Variants in PDE6B observed in about 807,000 individuals in gnomAD.
The protein encoded by PDE6B is phosphodiesterase 6B, also known as rod cGMP-specific 3',5'-cyclic phosphodiesterase subunit beta.
Under a neutral mutation model 109.0 loss-of-function variants are expected in PDE6B, and 106 were observed. That is an observed-to-expected ratio of 0.97 (90% CI 0.83 to 1.14). The LOEUF (loss-of-function observed/expected upper bound fraction) is 1.14, where lower values mean the gene tolerates loss of function less well. Ranked by LOEUF, PDE6B falls within the 50% of genes most tolerant of loss-of-function variation. PDE6B has a pLI of 0.00. For synonymous variants in PDE6B, 490 were observed against 471.3 expected (o/e 1.04, Z -0.51); for missense variants, 1,193 against 1,155.6 (o/e 1.03, Z -0.47).
intron 9 of PDE6B, 60 bp downstream of exon 9, chr4:657,083 C>T (rs910482913): frequency 2.2e-5 from 34 of 1,532,722 alleles, no homozygotes; most frequent in East Asian, 6.7e-5. Context: ...GGGGCCTGTG[C>T]GGTGTGGGGG....
chr4:663,389 G>A lies in PDE6B; in HGVS notation c.1920+202G>A, dbSNP rs1169219513. ...GAGGCCCTGGGAAAACGCTTGTGGGGAAGACAACTGGAAAGGGCCCCTCAT... is the reference window on the plus strand; with the variant it reads ...GAGGCCCTGGGAAAACGCTTGTGGGAAAGACAACTGGAAAGGGCCCCTCAT... On this transcript the variant is annotated intron_variant, in intron 15 of 21. Transcript: ENST00000496514. The surrounding 1 kb of genome is among the most constrained non-coding windows in gnomAD (Gnocchi z 4.0). Among the ~76,000 whole-genome samples, 1 of 152,218 alleles carries A rather than the reference G, an allele frequency of 6.6e-6. No individual in the cohort carries two copies. The highest frequency in any genetic ancestry group is 6.5e-5 in the Admixed American group (1 of 15,288).
intron 11 of PDE6B, among the ~76,000 whole-genome samples, chr4:659,929 C>T (rs1443509809): frequency 6.6e-6 from 1 of 152,138 alleles, no homozygotes; most frequent in Non-Finnish European, 1.5e-5. Context: ...TGTGAGTAGG[C>T]CTTGGACTGA....
chr4:649,130 C>T (rs909129858), intron 3 of PDE6B, among the ~76,000 whole-genome samples: 3 of 152,176 alleles, frequency 2.0e-5, no homozygotes, highest in African/African-American at 4.8e-5. Context: ...GTAGCGAAGC[C>T]CCGAGCACGG....
At position 666,713 on chromosome 4, in the gene PDE6B, C is replaced by T. The variant is rs565519328; in HGVS notation, c.2352+99C>T. The T allele has an allele frequency of 1.1e-5, 9 of 796,276 alleles. No homozygotes were observed. Among genetic ancestry groups the T allele is most frequent in the Admixed American group, 3.7e-5 (2 of 53,608 alleles). The allele number at this position is 796,276 out of a possible 1,614,324, so 49.3% of individuals were successfully genotyped here. A position where few individuals can be genotyped will look rare whatever the true frequency, so the allele number is the denominator to read the frequency against. On this transcript the variant is annotated intron_variant, in intron 20 of 21. Coordinates refer to ENST00000496514, the MANE Select transcript of PDE6B (RefSeq NM_000283.4). This position sits in a 1 kb window ranked among gnomAD's most constrained non-coding sequence, Gnocchi z 5.6. ...GTCGCGTGGACTCACACGGGCCCGGCGGTGTCCTCACTGGAGTAGGGATGC... is the reference window on the plus strand; with the variant it reads ...GTCGCGTGGACTCACACGGGCCCGGTGGTGTCCTCACTGGAGTAGGGATGC...
rs1204829721 is a variant in PDE6B at position 662,084 on chromosome 4, G to A, written c.1615-50G>A. ...AGTCAGCCACAGGTGCCGCTCTGGCGGGACTTACACGCTTGCCGCCGGAGC... is the reference window on the plus strand; with the variant it reads ...AGTCAGCCACAGGTGCCGCTCTGGCAGGACTTACACGCTTGCCGCCGGAGC... On this transcript the variant is annotated intron_variant, in intron 12 of 21. Coordinates refer to ENST00000496514, the MANE Select transcript of PDE6B (RefSeq NM_000283.4). This position sits in a 1 kb window ranked among gnomAD's most constrained non-coding sequence, Gnocchi z 4.3. 2.5e-5 allele frequency: 22 copies of A among 875,658 alleles called. No homozygotes were observed. The highest frequency in any genetic ancestry group is 5.0e-5 in the African/African-American group (3 of 60,232). 54.2% of individuals were successfully genotyped at this position (875,658 alleles called of 1,614,324 possible).
rs1577297264 is a variant in PDE6B at position 662,376 on chromosome 4, T to C, written c.1723-133T>C. Reference sequence around the variant, plus strand: ...AGGAGGGCAACGCCCTCTGACACCGTGCACCGCGCACCCCAGCCCTGCGGT... The same window carrying C: ...AGGAGGGCAACGCCCTCTGACACCGCGCACCGCGCACCCCAGCCCTGCGGT... On this transcript the variant is annotated intron_variant, in intron 13 of 21. Coordinates refer to ENST00000496514, the MANE Select transcript of PDE6B (RefSeq NM_000283.4). The surrounding 1 kb of genome is among the most constrained non-coding windows in gnomAD (Gnocchi z 4.3). 9.8e-6 allele frequency: 8 copies of C among 814,790 alleles called. No individual in the cohort carries two copies. In the East Asian group the frequency reaches 2.1e-4, roughly 22 times the overall value. The allele number at this position is 814,790 out of a possible 1,614,324, so 50.5% of individuals were successfully genotyped here. A position where few individuals can be genotyped will look rare whatever the true frequency, so the allele number is the denominator to read the frequency against.
chr4:650,996 G>A (rs1735484515), intron 3 of PDE6B, among the ~76,000 whole-genome samples: 1 of 152,160 alleles, frequency 6.6e-6, no homozygotes, highest in South Asian at 2.1e-4. Context: ...TGAACTCAGT[G>A]CCTCCCCTCA....
At chr4:631,058 A>G (rs1246633363) in intron 1 of PDE6B, among the ~76,000 whole-genome samples, 1 of 152,218 alleles carries the variant, frequency 6.6e-6, no homozygotes, top group African/African-American at 2.4e-5. Flanking sequence ...TGAAGGAGAA[A>G]AGACGGCAGA....
intron 7 of PDE6B, 118 bp downstream of exon 7, chr4:656,124 A>T (rs1468232891): frequency 1.0e-6 from 1 of 1,004,018 alleles, no homozygotes; most frequent in Non-Finnish European, 1.6e-6. Context: ...TGCCTCAGTG[A>T]AGCCCCCAGC....
intron 3 of PDE6B, among the ~76,000 whole-genome samples, chr4:641,906 C>G (rs537451026): frequency 1.3e-5 from 2 of 152,304 alleles, no homozygotes; most frequent in African/African-American, 2.4e-5. Flanking sequence ...ATCAGCCTCC[C>G]AAAGTGCTGG....
intron 5 of PDE6B, 152 bp downstream of exon 5, chr4:654,306 G>C (rs1408028254): frequency 1.4e-6 from 1 of 734,178 alleles, no homozygotes; most frequent in African/African-American, 1.7e-5. Context: ...GTCTCCACCA[G>C]GCTCCCCTGC....
intron 17 of PDE6B, 77 bp downstream of exon 17, chr4:664,298 C>A: frequency 1.2e-6 from 1 of 825,876 alleles, no homozygotes; most frequent in Non-Finnish European, 2.1e-6. Context: ...GTTAACCCTG[C>A]AGCCCTCCCC....
Position 633,689 on chromosome 4 carries a change from T to C in PDE6B, c.469-988T>C, listed in dbSNP as rs1475457210. Among the ~76,000 whole-genome samples the C allele has an allele frequency of 6.6e-6, 1 of 152,212 alleles. No homozygotes were observed. The highest frequency in any genetic ancestry group is 1.5e-5 in the Non-Finnish European group (1 of 68,028). ...GGCCACAGAACCACCCTGTGCCCACTGCAGGTCGCACAGGTGGGAAGTCCT... is the reference window on the plus strand; with the variant it reads ...GGCCACAGAACCACCCTGTGCCCACCGCAGGTCGCACAGGTGGGAAGTCCT... On this transcript the variant is annotated intron_variant, in intron 1 of 21. Coordinates refer to ENST00000496514, the MANE Select transcript of PDE6B (RefSeq NM_000283.4). This position sits in a 1 kb window ranked among gnomAD's most constrained non-coding sequence, Gnocchi z 4.5.
Position 663,856 on chromosome 4 carries a change from G to A in PDE6B, c.2007G>A (p.Leu669=). ...LMDIAIIATD[L]ALYFKKRAMF... is the part of the protein sequence containing the mutation. ...ACATCGCCATCATCGCCACGGACCT[G>A]GCCCTGTACTTCAAGTGCGCGCCTT... The change falls in exon 16 of 22, where the codon CTG becomes CTA. Residue 669 remains leucine (L), a synonymous_variant. Transcript: ENST00000496514. The surrounding 1 kb of genome is among the most constrained non-coding windows in gnomAD (Gnocchi z 4.0). 1 of 1,609,958 alleles carries A rather than the reference G, an allele frequency of 6.2e-7. No individual in the cohort carries two copies. Among genetic ancestry groups the A allele is most frequent in the South Asian group, 1.1e-5 (1 of 90,924 alleles).
intron 3 of PDE6B, among the ~76,000 whole-genome samples, chr4:647,713 C>G (rs1456378030): frequency 2.0e-5 from 3 of 151,956 alleles, no homozygotes; most frequent in African/African-American, 4.8e-5. Context: ...TTCACAGATG[C>G]ATGGGGGGAG....
At chr4:669,203 C>CTATT (rs1190940724) in intron 21 of PDE6B, among the ~76,000 whole-genome samples, 1 of 33,812 alleles carries the variant, frequency 3.0e-5, no homozygotes. Context: ...CTATGCCATG[C>CTATT]TATTCCCGCT....
At chr4:657,254 A>C in intron 9 of PDE6B, 97 bp from the exon 10 acceptor site, 1 of 1,414,914 alleles carries the variant, frequency 7.1e-7, no homozygotes, top group East Asian at 2.4e-5. Context: ...TGGCAGCCCC[A>C]GGACCTGCCC....
At chr4:664,003 C>T (rs1737469626) in intron 16 of PDE6B, 111 bp from the exon 17 acceptor site, 5 of 1,127,674 alleles carry the variant, frequency 4.4e-6, no homozygotes, top group African/African-American at 3.1e-5. Context: ...GCCGGCCCCG[C>T]GCACCCCGGA....
chr4:667,545 G>A (rs995685384), intron 20 of PDE6B, among the ~76,000 whole-genome samples: 5 of 152,172 alleles, frequency 3.3e-5, no homozygotes, highest in African/African-American at 1.2e-4. Flanking sequence ...CTGTCCGCCT[G>A]TGCCCACCAC....
Sources: gnomAD v4.1 joint callset for allele counts (sites outside exome capture counted in the v4.1 genomes callset) on GRCh38, gnomAD v4.1.1 for gene constraint, Gnocchi (gnomAD v3.1) non-coding constraint, MANE v1.5 for transcripts, NCBI Gene and HGNC (gene_info 2026-07-23, HGNC 2026-07-21) for gene names.